KLF12: variants seen among roughly 807,000 people sequenced by gnomAD.
KLF12 encodes KLF transcription factor 12.
KLF12 carries 9 observed loss-of-function variants against 37.8 expected under a neutral mutation model. That is an observed-to-expected ratio of 0.24 (90% CI 0.14 to 0.42). The LOEUF is 0.42. Ranked by LOEUF, KLF12 falls within the 10% of genes least tolerant of loss-of-function variation. KLF12 has a pLI of 1.00. For synonymous variants in KLF12, 208 were observed against 202.1 expected (o/e 1.03, Z -0.25); for missense variants, 411 against 516.0 (o/e 0.80, Z 1.97).
chr13:74,085,612 C>G (rs1049844283), intron 1 of KLF12, among the ~76,000 whole-genome samples: 12 of 152,158 alleles, frequency 7.9e-5, no homozygotes, highest in African/African-American at 2.9e-4. Flanking sequence ...AATAATGGAG[C>G]AGGGACTCAA....
At chr13:74,082,627 T>C (rs555736514) in intron 1 of KLF12, among the ~76,000 whole-genome samples, 2 of 152,244 alleles carry the variant, frequency 1.3e-5, no homozygotes, top group South Asian at 2.1e-4. Context: ...AAGTTGTTTT[T>C]AGTGAAGATG....
chr13:74,048,517 G>A (rs910101263), intron 1 of KLF12, among the ~76,000 whole-genome samples: 1 of 151,994 alleles, frequency 6.6e-6, no homozygotes, highest in African/African-American at 2.4e-5. Flanking sequence ...CATACTTAGA[G>A]AACAGAATAT....
intron 1 of KLF12, among the ~76,000 whole-genome samples, chr13:74,092,989 A>T (rs1875767463): frequency 6.6e-6 from 1 of 152,178 alleles, no homozygotes. Context: ...TCCTTCTCAC[A>T]ACTACGCACT....
intron 1 of KLF12, among the ~76,000 whole-genome samples, chr13:74,005,386 C>A (rs1456388012): frequency 1.3e-5 from 2 of 152,044 alleles, no homozygotes; most frequent in Non-Finnish European, 1.5e-5. Context: ...AAATAAATAT[C>A]CCTGCCTATC....
the KLF12 span, among the ~76,000 whole-genome samples, chr13:74,243,284 T>G: frequency 1.4e-5 from 2 of 142,596 alleles, no homozygotes; most frequent in African/African-American, 6.0e-5. Flanking sequence ...AGGACATGAA[T>G]TCATTTTTTT....
the KLF12 span, among the ~76,000 whole-genome samples, chr13:74,147,418 CA>C: frequency 6.6e-6 from 1 of 152,190 alleles, no homozygotes; most frequent in African/African-American, 2.4e-5. Flanking sequence ...TTCAACCCTC[CA>C]AAGAGGGTGC....
rs775893412 is a variant in KLF12 at position 73,846,161 on chromosome 13, TGAA to T, written c.333_335del (p.Ser112del). On this transcript the variant is annotated inframe_deletion, in exon 4 of 8. Transcript: ENST00000377669. ...TAGAAGACGATGAAGAGGTTGAAGT[TGAA>T]GAAGGTGAGGAGGCAGATGCTGTCA... 6.2e-7 allele frequency: 1 copy of T among 1,613,992 alleles called. No individual in the cohort carries two copies. Among genetic ancestry groups the T allele is most frequent in the Non-Finnish European group, 8.5e-7 (1 of 1,179,972 alleles).
chr13:73,894,438 T>C (rs1178560016), intron 3 of KLF12, among the ~76,000 whole-genome samples: 1 of 152,196 alleles, frequency 6.6e-6, no homozygotes, highest in Admixed American at 6.5e-5. Context: ...TCTACTTTTT[T>C]ATTCTTTTAA....
chr13:74,073,493 T>C (rs1874393240), intron 1 of KLF12, among the ~76,000 whole-genome samples: 1 of 152,172 alleles, frequency 6.6e-6, no homozygotes, highest in Non-Finnish European at 1.5e-5. Context: ...AAACAGTCAA[T>C]AACTATGCTT....
At chr13:74,243,545 G>A in the KLF12 span, among the ~76,000 whole-genome samples, 1 of 152,098 alleles carries the variant, frequency 6.6e-6, no homozygotes, top group Non-Finnish European at 1.5e-5. Flanking sequence ...TTTCCACAAT[G>A]GTTGAGCTAA....
At chr13:74,129,708 A>T (rs115426304) in intron 1 of KLF12, among the ~76,000 whole-genome samples, 17 of 152,108 alleles carry the variant, frequency 1.1e-4, no homozygotes, top group African/African-American at 3.9e-4. Context: ...AAAAGACAGG[A>T]AGAAAGACCA....
chr13:74,145,216 C>G, the KLF12 span, among the ~76,000 whole-genome samples: 1 of 152,134 alleles, frequency 6.6e-6, no homozygotes, highest in Non-Finnish European at 1.5e-5. Flanking sequence ...ACCGTCGTAT[C>G]TTATGGAACA....
chr13:73,914,487 CT>C (rs1025153170), intron 3 of KLF12, among the ~76,000 whole-genome samples: 1 of 152,086 alleles, frequency 6.6e-6, no homozygotes, highest in Non-Finnish European at 1.5e-5. Flanking sequence ...AGCCAAATAA[CT>C]TTTTTTTCAT....
the KLF12 span, among the ~76,000 whole-genome samples, chr13:74,152,331 C>T: frequency 6.6e-6 from 1 of 152,132 alleles, no homozygotes; most frequent in Non-Finnish European, 1.5e-5. Context: ...ACTTATTTTC[C>T]TTTCCAGGCA....
the KLF12 span, among the ~76,000 whole-genome samples, chr13:74,165,601 A>G: frequency 6.6e-6 from 1 of 152,170 alleles, no homozygotes; most frequent in East Asian, 1.9e-4. Context: ...TTCCGGGCTC[A>G]TATTTTCATA....
In KLF12 at chr13:73,940,661, T is replaced by C. The variant is rs1052759035; in HGVS notation, c.123+3320A>G. On this transcript the variant is annotated intron_variant, in intron 3 of 7. Transcript: ENST00000377669. ...ATAATGCCCAGACAAGCTGAATAAA[T>C]AATGTATTCACCATGTGCCAGAAAC... Among the ~76,000 whole-genome samples the C allele has an allele frequency of 5.9e-5, 9 of 152,336 alleles. No individual in the cohort carries two copies. The East Asian group carries it at 1.7e-3, about 29-fold the overall frequency.
At chr13:73,803,026 C>T (rs1882363306) in intron 5 of KLF12, among the ~76,000 whole-genome samples, 1 of 152,072 alleles carries the variant, frequency 6.6e-6, no homozygotes, top group South Asian at 2.1e-4. Flanking sequence ...AAAAGAAGTA[C>T]AAAGCAGACA....
rs572031624 is a variant in KLF12, at chr13:74,126,830, G to A, written c.-32+6909C>T. On this transcript the variant is annotated intron_variant, in intron 1 of 7. Coordinates refer to ENST00000377669, the MANE Select transcript of KLF12 (RefSeq NM_007249.5). ...AGAGGTGACACGTATAGTATTCCATGTGCCAGTTATTTGAAAAGTCAATGA... is the reference window on the plus strand; with the variant it reads ...AGAGGTGACACGTATAGTATTCCATATGCCAGTTATTTGAAAAGTCAATGA... 4.6e-5 allele frequency among the ~76,000 whole-genome samples: 7 copies of A among 152,286 alleles called. No homozygotes were observed. In the East Asian group the frequency reaches 1.4e-3, roughly 29 times the overall value.
chr13:74,214,307 A>AG, the KLF12 span, among the ~76,000 whole-genome samples: 1 of 151,948 alleles, frequency 6.6e-6, no homozygotes, highest in Non-Finnish European at 1.5e-5. Flanking sequence ...CCTGGCTCCA[A>AG]TGTGTACTAG....
Sources: allele counts gnomAD v4.1 joint callset (sites outside exome capture counted in the v4.1 genomes callset), GRCh38; gene constraint gnomAD v4.1.1; transcripts MANE v1.5; gene names NCBI Gene and HGNC (gene_info 2026-07-23, HGNC 2026-07-21).